The following RCAN2 variants were observed in gnomAD, a reference collection of about 807,000 sequenced individuals.
RCAN2 encodes the protein regulator of calcineurin 2.
A neutral mutation model predicts 23.6 loss-of-function variants in RCAN2; 9 were observed. The observed-to-expected ratio is 0.38, with a 90% CI of 0.23 to 0.67. RCAN2 has a LOEUF of 0.67. Ranked by LOEUF, RCAN2 falls within the 30% of genes least tolerant of loss-of-function variation. The pLI, the probability that RCAN2 is intolerant of heterozygous loss-of-function variation, is 0.51. For missense variants in RCAN2, 273 were observed against 302.3 expected (o/e 0.90, Z 0.72); for synonymous variants, 109 against 115.7 (o/e 0.94, Z 0.37).
At chr6:46,476,459 T>C (rs1162636807) in intron 1 of RCAN2, among the ~76,000 whole-genome samples, 2 of 152,224 alleles carry the variant, frequency 1.3e-5, no homozygotes, top group African/African-American at 2.4e-5. Context: ...TGAGTGCTTG[T>C]TACATGCAAG....
intron 2 of RCAN2, among the ~76,000 whole-genome samples, chr6:46,291,313 C>A (rs1762555342): frequency 7.2e-6 from 1 of 138,830 alleles, no homozygotes; most frequent in Admixed American, 7.1e-5. Context: ...GTTATTTTTG[C>A]TTTTTAAATG....
At chr6:46,425,626 A>T (rs1266807385) in intron 2 of RCAN2, among the ~76,000 whole-genome samples, 1 of 152,190 alleles carries the variant, frequency 6.6e-6, no homozygotes, top group Non-Finnish European at 1.5e-5. Flanking sequence ...TACAATCAGA[A>T]GCTGAAAAAA....
At chr6:46,411,231 C>T (rs1766542477) in intron 2 of RCAN2, among the ~76,000 whole-genome samples, 1 of 152,054 alleles carries the variant, frequency 6.6e-6, no homozygotes, top group African/African-American at 2.4e-5. Flanking sequence ...ATGGATGAAC[C>T]CTGAAGACAT....
chr6:46,477,003 A>G (rs963745678), intron 1 of RCAN2, among the ~76,000 whole-genome samples: 1 of 152,178 alleles, frequency 6.6e-6, no homozygotes, highest in Non-Finnish European at 1.5e-5. Context: ...AAAAAAACAT[A>G]AAAGAACAGA....
At chr6:46,399,601 C>A (rs1245997740) in intron 2 of RCAN2, among the ~76,000 whole-genome samples, 1 of 151,864 alleles carries the variant, frequency 6.6e-6, no homozygotes, top group East Asian at 2.0e-4. Flanking sequence ...CCTCTGGAGA[C>A]CCTTTGGGTG....
chr6:46,444,891 C>G (rs1767656553), intron 2 of RCAN2, among the ~76,000 whole-genome samples: 1 of 152,152 alleles, frequency 6.6e-6, no homozygotes, highest in Non-Finnish European at 1.5e-5. Flanking sequence ...TCTAGGCCAA[C>G]AGCTGCATAT....
chr6:46,233,539 G>T (rs1250759956), intron 4 of RCAN2, among the ~76,000 whole-genome samples: 1 of 152,148 alleles, frequency 6.6e-6, no homozygotes, highest in Non-Finnish European at 1.5e-5. Context: ...CAGAGACCCA[G>T]AACCTGGGGT....
chr6:46,295,030 C>A (rs898078593), intron 2 of RCAN2, among the ~76,000 whole-genome samples: 2 of 151,826 alleles, frequency 1.3e-5, no homozygotes, highest in African/African-American at 4.8e-5. Flanking sequence ...GTGGCAGGAA[C>A]ATAGAAAAGA....
At chr6:46,293,856 G>A (rs1363789299) in intron 2 of RCAN2, among the ~76,000 whole-genome samples, 1 of 152,154 alleles carries the variant, frequency 6.6e-6, no homozygotes, top group Non-Finnish European at 1.5e-5. Context: ...AGTTGGCTAG[G>A]CAAAACAGAG....
At chr6:46,401,061 T>C (rs1766234240) in intron 2 of RCAN2, among the ~76,000 whole-genome samples, 1 of 152,192 alleles carries the variant, frequency 6.6e-6, no homozygotes, top group South Asian at 2.1e-4. Context: ...CAGCCTAGTA[T>C]AATCAAGAAG....
intron 2 of RCAN2, among the ~76,000 whole-genome samples, chr6:46,267,091 A>G (rs1767358351): frequency 6.6e-6 from 1 of 152,242 alleles, no homozygotes; most frequent in Non-Finnish European, 1.5e-5. Context: ...CCAATTTTTT[A>G]ATTTCATAAA....
At chr6:46,377,411 G>A (rs543350360) in intron 2 of RCAN2, among the ~76,000 whole-genome samples, 7 of 152,282 alleles carry the variant, frequency 4.6e-5, no homozygotes, top group Admixed American at 3.3e-4. Flanking sequence ...GTGACTAAAC[G>A]GAGTCACGTA....
chr6:46,484,519 CT>C (rs1199593203), intron 1 of RCAN2, among the ~76,000 whole-genome samples: 2 of 152,198 alleles, frequency 1.3e-5, no homozygotes, highest in African/African-American at 4.8e-5. Context: ...TCCAGGATAA[CT>C]TTTCAGGATT....
rs1471021940 is a variant in RCAN2 at position 46,223,202 on chromosome 6, G to A, written c.671C>T (p.Ser224Phe). ...AGTTTGGATGATTTTTGGCTTTGGG[G>A]AAGTCTTTGGGTCCTCTTCTTCCTC... ...DIEEEEDPKT[S>F]PKPKIIQTRR... is the part of the protein sequence containing the mutation. Residue 224 changes from serine (S) to phenylalanine (F), a missense_variant, in exon 5 of 5, where the codon TCC becomes TTC. Transcript: ENST00000371374. The A allele has an allele frequency of 6.2e-7, 1 of 1,613,954 alleles. No homozygotes were observed. Among genetic ancestry groups the A allele is most frequent in the East Asian group, 2.2e-5 (1 of 44,882 alleles).
At chr6:46,469,871 G>T (rs185005512) in intron 1 of RCAN2, among the ~76,000 whole-genome samples, 2 of 152,196 alleles carry the variant, frequency 1.3e-5, no homozygotes, top group Admixed American at 1.3e-4. Context: ...CATTCAGCTA[G>T]CTTGCCCTTT....
At chr6:46,240,800 T>C (rs1265232966) in intron 4 of RCAN2, among the ~76,000 whole-genome samples, 2 of 152,164 alleles carry the variant, frequency 1.3e-5, no homozygotes, top group African/African-American at 2.4e-5. Context: ...TCTTTTCCCA[T>C]TGGGGAAAAC....
intron 2 of RCAN2, among the ~76,000 whole-genome samples, chr6:46,443,775 T>C (rs1767620559): frequency 6.6e-6 from 1 of 152,234 alleles, no homozygotes; most frequent in African/African-American, 2.4e-5. Flanking sequence ...ACCTGAGTTC[T>C]TTCTGCCTTA....
chr6:46,372,541 C>T (rs951388867), intron 2 of RCAN2, among the ~76,000 whole-genome samples: 1 of 152,182 alleles, frequency 6.6e-6, no homozygotes, highest in Non-Finnish European at 1.5e-5. Flanking sequence ...TCCAATTGGT[C>T]CTCTACTGCA....
chr6:46,338,585 C>A (rs939599133), intron 2 of RCAN2, among the ~76,000 whole-genome samples: 1 of 152,178 alleles, frequency 6.6e-6, no homozygotes, highest in African/African-American at 2.4e-5. Flanking sequence ...TAACAAAAGT[C>A]TGTTATCAGC....
Sources: allele counts gnomAD v4.1 joint callset (sites outside exome capture counted in the v4.1 genomes callset), GRCh38; gene constraint gnomAD v4.1.1; transcripts MANE v1.5; gene names NCBI Gene and HGNC (gene_info 2026-07-23, HGNC 2026-07-21).